Variants in FOXK2 observed in about 807,000 individuals in gnomAD.
FOXK2 encodes the protein forkhead box protein K2.
A neutral mutation model predicts 53.3 loss-of-function variants in FOXK2; 24 were observed. The observed-to-expected ratio is 0.45, with a 90% CI of 0.33 to 0.63. FOXK2 has a LOEUF of 0.63. Ranked by LOEUF, FOXK2 falls within the 30% of genes least tolerant of loss-of-function variation. The pLI is 0.03. For missense variants in FOXK2, 952 were observed against 910.5 expected (o/e 1.05, Z -0.59); for synonymous variants, 505 against 407.1 (o/e 1.24, Z -2.89).
intron 1 of FOXK2, among the ~76,000 whole-genome samples, chr17:82,545,457 G>A (rs188096074): frequency 2.6e-5 from 4 of 152,196 alleles, no homozygotes; most frequent in East Asian, 3.9e-4. Flanking sequence ...AAGTAGTAAC[G>A]TGGATATACA....
chr17:82,573,359 T>G (rs1443164247), intron 4 of FOXK2, among the ~76,000 whole-genome samples: 1 of 152,070 alleles, frequency 6.6e-6, no homozygotes, highest in East Asian at 1.9e-4. Context: ...CTGCCTGCCT[T>G]CCTGTCTACA....
rs1194924952 is a variant in FOXK2, at chr17:82,604,307, T to TC, written c.*2809dup. On this transcript the variant is annotated 3_prime_UTR_variant, in exon 9 of 9. Coordinates refer to ENST00000335255, the MANE Select transcript of FOXK2 (RefSeq NM_004514.4). ...CGGCATGATCCTCGGTTGCTCCTCC[T>TC]CTCACTTTAGTAGAGTACGCGGTGG... is the stretch of plus-strand genomic sequence containing the variant. The TC allele has an allele frequency of 2.0e-5, 3 of 152,464 alleles. No individual in the cohort carries two copies. Among genetic ancestry groups the TC allele is most frequent in the Non-Finnish European group, 4.4e-5 (3 of 68,062 alleles). 9.4% of individuals were successfully genotyped at this position (152,464 alleles called of 1,614,324 possible).
intron 1 of FOXK2, among the ~76,000 whole-genome samples, chr17:82,526,843 A>G (rs943134509): frequency 1.7e-4 from 26 of 152,126 alleles, no homozygotes; most frequent in African/African-American, 5.8e-4. Flanking sequence ...AAAAAAAAAA[A>G]AAAGAAAGAA....
At chr17:82,579,517 T>G (rs1195533262) in intron 4 of FOXK2, among the ~76,000 whole-genome samples, 1 of 133,608 alleles carries the variant, frequency 7.5e-6, no homozygotes, top group Non-Finnish European at 1.6e-5. Context: ...ACACATGGCC[T>G]AGCCCTCCTC....
At position 82,601,343 on chromosome 17, in the gene FOXK2, C is replaced by G; in HGVS notation, c.1827C>G (p.Ser609=). 1.2e-6 allele frequency: 2 copies of G among 1,613,280 alleles called. No homozygotes were observed. Among genetic ancestry groups the G allele is most frequent in the Non-Finnish European group, 8.5e-7 (1 of 1,180,024 alleles). Residue 609 remains serine, a synonymous_variant, in exon 9 of 9, where the codon TCC becomes TCG. Coordinates refer to ENST00000335255, the MANE Select transcript of FOXK2 (RefSeq NM_004514.4). The part of the protein sequence containing the change: ...SPLHMLATHA[S]ASASLPTKRH... ...TGCACATGTTGGCAACACACGCATC[C>G]GCATCGGCCTCCCTGCCCACAAAGC...
chr17:82,586,625 G>T (rs191427998), intron 7 of FOXK2, among the ~76,000 whole-genome samples: 1 of 152,134 alleles, frequency 6.6e-6, no homozygotes, highest in African/African-American at 2.4e-5. Context: ...TCCTTGGCCA[G>T]GTACAGTGGC....
At chr17:82,565,117 C>A (rs967676173) in intron 2 of FOXK2, among the ~76,000 whole-genome samples, 11 of 152,042 alleles carry the variant, frequency 7.2e-5, no homozygotes, top group African/African-American at 2.4e-4. Context: ...AACGGTATGT[C>A]CACATGGAAA....
In FOXK2 at chr17:82,584,120, C is replaced by T. The variant is rs868546131; in HGVS notation, c.1211C>T (p.Pro404Leu). ...GAAGGTTCGCCGGCCCCCCTGGAGC[C>T]TGAGCCTGGCGCTGCACAGCCCAAA... is the stretch of plus-strand genomic sequence containing the variant. ...SREGSPAPLE[P>L]EPGAAQPKLA... The change falls in exon 6 of 9, where the codon CCT (proline) becomes CTT (leucine). Residue 404 changes from proline (P) to leucine (L), a missense_variant. Around this residue, in one of 5 missense-constraint regions of FOXK2, gnomAD observed 551 missense variants for 385.1 expected, o/e 1.43. Coordinates refer to ENST00000335255, the MANE Select transcript of FOXK2 (RefSeq NM_004514.4). The T allele has an allele frequency of 5.0e-6, 8 of 1,611,182 alleles. No individual in the cohort carries two copies. In the Admixed American group the frequency reaches 6.7e-5, roughly 13 times the overall value.
chr17:82,520,391 G>A (rs1203717482), intron 1 of FOXK2, 84 bp downstream of exon 1: 7 of 1,127,778 alleles, frequency 6.2e-6, no homozygotes, highest in Non-Finnish European at 7.8e-6. Flanking sequence ...CCAGGCCCGG[G>A]ACCACCCACG....
chr17:82,531,237 A>G (rs1413985934), intron 1 of FOXK2, among the ~76,000 whole-genome samples: 1 of 152,154 alleles, frequency 6.6e-6, no homozygotes, highest in Admixed American at 6.5e-5. Flanking sequence ...ATAGGACTCA[A>G]ATGTTTATTG....
chr17:82,580,094 C>T, intron 4 of FOXK2, among the ~76,000 whole-genome samples: 1 of 124,362 alleles, frequency 8.0e-6, no homozygotes, highest in Non-Finnish European at 1.7e-5. Context: ...CTCTCCATGT[C>T]ACCCGTGAAG....
intron 1 of FOXK2, among the ~76,000 whole-genome samples, chr17:82,548,939 G>A (rs371659290): frequency 6.6e-6 from 1 of 152,154 alleles, no homozygotes; most frequent in Non-Finnish European, 1.5e-5. Context: ...GCCACCACCC[G>A]TGAGACCTCC....
intron 1 of FOXK2, among the ~76,000 whole-genome samples, chr17:82,542,446 G>A (rs751127614): frequency 3.3e-5 from 5 of 152,210 alleles, no homozygotes; most frequent in East Asian, 1.9e-4. Flanking sequence ...GATTACAGAC[G>A]TGAGCCACCA....
At chr17:82,599,779 G>A (rs2045362690) in intron 8 of FOXK2, 1 of 152,296 alleles carries the variant, frequency 6.6e-6, no homozygotes, top group Non-Finnish European at 1.5e-5. Flanking sequence ...TCCCTGCAGG[G>A]GACTGCGAGT....
At chr17:82,530,669 T>C (rs2044465361) in intron 1 of FOXK2, among the ~76,000 whole-genome samples, 1 of 151,672 alleles carries the variant, frequency 6.6e-6, no homozygotes, top group Non-Finnish European at 1.5e-5. Flanking sequence ...ACCACCACGC[T>C]CTGCTAATTT....
At chr17:82,555,666 C>CCT (rs2044716436) in intron 1 of FOXK2, among the ~76,000 whole-genome samples, 1 of 147,074 alleles carries the variant, frequency 6.8e-6, no homozygotes, top group Non-Finnish European at 1.5e-5. Flanking sequence ...GGGCGGATCA[C>CCT]AAGGTCAGGA....
At chr17:82,586,910 A>G (rs1311970062) in intron 7 of FOXK2, among the ~76,000 whole-genome samples, 153 bp from the exon 8 acceptor site, 2 of 152,142 alleles carry the variant, frequency 1.3e-5, no homozygotes, top group South Asian at 2.1e-4. Flanking sequence ...AAAAAACAAA[A>G]AAAAGATTTG....
chr17:82,531,965 C>G (rs1407636403), intron 1 of FOXK2, among the ~76,000 whole-genome samples: 1 of 151,986 alleles, frequency 6.6e-6, no homozygotes, highest in South Asian at 2.1e-4. Context: ...CTCAGCTTCC[C>G]GAGTAGCTGG....
intron 1 of FOXK2, among the ~76,000 whole-genome samples, chr17:82,528,725 T>A (rs1198495785): frequency 6.6e-6 from 1 of 152,226 alleles, no homozygotes; most frequent in African/African-American, 2.4e-5. Context: ...CACGTCAGTT[T>A]AGAGTGCACA....
Sources: allele counts gnomAD v4.1 joint callset (sites outside exome capture counted in the v4.1 genomes callset), GRCh38; gene constraint gnomAD v4.1.1; regional missense constraint gnomAD v4.1.1; transcripts MANE v1.5; gene names NCBI Gene and HGNC (gene_info 2026-07-23, HGNC 2026-07-21).